Variants in CHERP observed in about 807,000 individuals in gnomAD.
CHERP encodes calcium homeostasis endoplasmic reticulum protein, also known as ERPROT 213-21.
A neutral mutation model predicts 113.8 loss-of-function variants in CHERP; 8 were observed. That is an observed-to-expected ratio of 0.07 (90% CI 0.04 to 0.13). CHERP has a LOEUF of 0.13. Among genes scored for constraint, CHERP ranks in the 10% least tolerant of loss-of-function variants. The pLI is 1.00. For synonymous variants in CHERP, 559 were observed against 524.5 expected (o/e 1.07, Z -0.90); for missense variants, 884 against 1,298.2 (o/e 0.68, Z 4.90).
At position 16,518,852 on chromosome 19, in the gene CHERP, G is replaced by A. The variant is rs1021501765; in HGVS notation, c.*307C>T. ...AGGGCAGATGCACATCCATCCCTTC[G>A]TGGCTGAAGAATTTACTCGGGCGGA... On this transcript the variant is annotated 3_prime_UTR_variant, in exon 17 of 17. Transcript: ENST00000546361. The A allele has an allele frequency of 1.9e-5, 7 of 378,314 alleles. No individual in the cohort carries two copies. In the East Asian group the frequency reaches 2.0e-4, roughly 11 times the overall value. The allele number at this position is 378,314 out of a possible 1,614,324, so 23.4% of individuals were successfully genotyped here. A position where few individuals can be genotyped will look rare whatever the true frequency, so the allele number is the denominator to read the frequency against.
chr19:16,525,177 AGCCTGCTCGGCAG>A lies in CHERP; in HGVS notation c.1741+52_1741+64del. The A allele has an allele frequency of 2.2e-6, 3 of 1,344,308 alleles. No individual in the cohort carries two copies. Among genetic ancestry groups the A allele is most frequent in the South Asian group, 3.6e-5 (2 of 55,828 alleles). 83.3% of individuals were successfully genotyped at this position (1,344,308 alleles called of 1,614,324 possible). A position where few individuals can be genotyped will look rare whatever the true frequency, so the allele number is the denominator to read the frequency against. On this transcript the variant is annotated intron_variant, in intron 10 of 16. Coordinates refer to ENST00000546361, the MANE Select transcript of CHERP (RefSeq NM_006387.6). This position sits in a 1 kb window ranked among gnomAD's most constrained non-coding sequence, Gnocchi z 6.5. Reference sequence around the variant, plus strand: ...TGGCAGGGCCACAAGCAGCGCCACCAGCCTGCTCGGCAGGCGAGCCGTGGATGCCTCCGCCAGG... The same window carrying A: ...TGGCAGGGCCACAAGCAGCGCCACCAGCGAGCCGTGGATGCCTCCGCCAGG...
intron 2 of CHERP, among the ~76,000 whole-genome samples, chr19:16,537,620 C>T (rs2085750169): frequency 6.6e-6 from 1 of 152,132 alleles, no homozygotes. Context: ...GCATGTGCCT[C>T]CCAGTGACGA....
Position 16,542,386 on chromosome 19 carries a change from G to A in CHERP, c.-8C>T, listed in dbSNP as rs771270848. 3 of 1,363,584 alleles carry A rather than the reference G, an allele frequency of 2.2e-6. No individual in the cohort carries two copies. The highest frequency in any genetic ancestry group is 3.1e-5 in the Admixed American group (1 of 32,728). The allele number at this position is 1,363,584 out of a possible 1,614,324, so 84.5% of individuals were successfully genotyped here. A position where few individuals can be genotyped will look rare whatever the true frequency, so the allele number is the denominator to read the frequency against. Reference sequence around the variant, plus strand: ...GGGCAGCGGCATCTCCATGGCTCCGGCCGCGGGGAACGTCCTCCGGCGCCA... The same window carrying A: ...GGGCAGCGGCATCTCCATGGCTCCGACCGCGGGGAACGTCCTCCGGCGCCA... On this transcript the variant is annotated 5_prime_UTR_variant, in exon 1 of 17. Transcript: ENST00000546361.
Position 16,523,406 on chromosome 19 carries a change from G to T in CHERP, c.1742-116C>A. The T allele has an allele frequency of 8.2e-7, 1 of 1,219,432 alleles. No homozygotes were observed. Among genetic ancestry groups the T allele is most frequent in the Non-Finnish European group, 1.2e-6 (1 of 864,536 alleles). The allele number at this position is 1,219,432 out of a possible 1,614,324, so 75.5% of individuals were successfully genotyped here. A position where few individuals can be genotyped will look rare whatever the true frequency, so the allele number is the denominator to read the frequency against. On this transcript the variant is annotated intron_variant, in intron 10 of 16. Transcript: ENST00000546361. The surrounding 1 kb of genome is among the most constrained non-coding windows in gnomAD (Gnocchi z 4.0). ...GGAGACGAACCCCTCCTGGGAGCCT[G>T]TCCAGCATCTTCTCTCACTGCTTAA...
rs1455888938 is a variant in CHERP at position 16,519,723 on chromosome 19, C to T, written c.2463-8G>A. 42 of 1,606,810 alleles carry T rather than the reference C, an allele frequency of 2.6e-5. No homozygotes were observed. Among genetic ancestry groups the T allele is most frequent in the Admixed American group, 3.3e-5 (2 of 59,966 alleles). On this transcript the variant is annotated splice_region_variant and splice_polypyrimidine_tract_variant and intron_variant, in intron 15 of 16. Coordinates refer to ENST00000546361, the MANE Select transcript of CHERP (RefSeq NM_006387.6). This position sits in a 1 kb window ranked among gnomAD's most constrained non-coding sequence, Gnocchi z 6.0. The stretch of plus-strand genomic sequence containing the variant: ...CCCAGACCAGCAGAGGAACTAAAAT[C>T]GAGACAGGTTATTCTTTTTAAGAAG...
At chr19:16,527,693 C>CT (rs759442222) in intron 9 of CHERP, among the ~76,000 whole-genome samples, 1 of 152,242 alleles carries the variant, frequency 6.6e-6, no homozygotes, top group Admixed American at 6.5e-5. Context: ...GACATTCCCC[C>CT]TTTCCTTACA....
Position 16,523,384 on chromosome 19 carries a change from GACGA to G in CHERP, c.1742-98_1742-95del. The G allele has an allele frequency of 7.0e-7, 1 of 1,426,554 alleles. No homozygotes were observed. Among genetic ancestry groups the G allele is most frequent in the Non-Finnish European group, 9.6e-7 (1 of 1,038,404 alleles). 88.4% of individuals were successfully genotyped at this position (1,426,554 alleles called of 1,614,324 possible). ...GGAGGGGCTCAGTGAAGGGCCAGGA[GACGA>G]ACCCCTCCTGGGAGCCTGTCCAGCA... On this transcript the variant is annotated intron_variant, in intron 10 of 16. Coordinates refer to ENST00000546361, the MANE Select transcript of CHERP (RefSeq NM_006387.6). This position sits in a 1 kb window ranked among gnomAD's most constrained non-coding sequence, Gnocchi z 4.0.
rs1052904203 is a variant in CHERP, at chr19:16,519,453, G to C, written c.2558-101C>G. On this transcript the variant is annotated intron_variant, in intron 16 of 16. Coordinates refer to ENST00000546361, the MANE Select transcript of CHERP (RefSeq NM_006387.6). This position sits in a 1 kb window ranked among gnomAD's most constrained non-coding sequence, Gnocchi z 6.0. Reference sequence around the variant, plus strand: ...GACAGGCAGTGTAGACATGGGAAATGGGTAGAGAGAACCCGCAGGCCGGCC... The same window carrying C: ...GACAGGCAGTGTAGACATGGGAAATCGGTAGAGAGAACCCGCAGGCCGGCC... 2.2e-6 allele frequency: 3 copies of C among 1,363,364 alleles called. No individual in the cohort carries two copies. The African/African-American group carries it at 4.3e-5, about 20-fold the overall frequency. The allele number at this position is 1,363,364 out of a possible 1,614,324, so 84.5% of individuals were successfully genotyped here. A position where few individuals can be genotyped will look rare whatever the true frequency, so the allele number is the denominator to read the frequency against.
At position 16,532,359 on chromosome 19, in the gene CHERP, C is replaced by T. The variant is rs907103189; in HGVS notation, c.674+239G>A. 17 of 483,966 alleles carry T rather than the reference C, an allele frequency of 3.5e-5. No individual in the cohort carries two copies. The highest frequency in any genetic ancestry group is 2.4e-4 in the South Asian group (7 of 29,662). 30.0% of individuals were successfully genotyped at this position (483,966 alleles called of 1,614,324 possible). A position where few individuals can be genotyped will look rare whatever the true frequency, so the allele number is the denominator to read the frequency against. The stretch of plus-strand genomic sequence containing the variant: ...GAGACAGCAATGTGACAGGTGAGGC[C>T]GGGGTCTAGGGGAGAGGACAGGGCA... On this transcript the variant is annotated intron_variant, in intron 5 of 16. Coordinates refer to ENST00000546361, the MANE Select transcript of CHERP (RefSeq NM_006387.6). The surrounding 1 kb of genome is among the most constrained non-coding windows in gnomAD (Gnocchi z 4.4).
Position 16,521,624 on chromosome 19 carries a change from G to A in CHERP, c.2011C>T (p.Pro671Ser). The change falls in exon 12 of 17, where the codon CCT (proline) becomes TCT (serine). Residue 671 changes from proline to serine, a missense_variant. By Grantham distance (74) the Pro-to-Ser change is moderately conservative. Coordinates refer to ENST00000546361, the MANE Select transcript of CHERP (RefSeq NM_006387.6). ...GGGGGTGGGAGGCGGATGTCTTTAG[G>A]GTCCAAAGGCTTGTACTCGTGATCT... ...LEDHEYKPLD[P>S]KDIRLPPPMP... 1 of 1,607,484 alleles carries A rather than the reference G, an allele frequency of 6.2e-7. No individual in the cohort carries two copies. The highest frequency in any genetic ancestry group is 8.5e-7 in the Non-Finnish European group (1 of 1,176,828).
rs892179738 is a variant in CHERP at position 16,523,858 on chromosome 19, C to T, written c.1742-568G>A. Among the ~76,000 whole-genome samples, 3 of 152,186 alleles carry T rather than the reference C, an allele frequency of 2.0e-5. No homozygotes were observed. Among genetic ancestry groups the T allele is most frequent in the African/African-American group, 4.8e-5 (2 of 41,438 alleles). ...GACAATACATTCCAGCTGTTGAAGC[C>T]GTCCAGGCTGTGGGACTTATCATGT... On this transcript the variant is annotated intron_variant, in intron 10 of 16. Transcript: ENST00000546361. This position sits in a 1 kb window ranked among gnomAD's most constrained non-coding sequence, Gnocchi z 4.0.
In CHERP at chr19:16,529,919, C is replaced by T. The variant is rs2085687028; in HGVS notation, c.877-19G>A. The T allele has an allele frequency of 6.2e-7, 1 of 1,608,692 alleles. No homozygotes were observed. The highest frequency in any genetic ancestry group is 8.5e-7 in the Non-Finnish European group (1 of 1,177,176). Reference sequence around the variant, plus strand: ...GGGTGGCCTGAGAGAGAGAAGAGCACCCGCTGCTCAGTATGCGGCCTTGGG... The same window carrying T: ...GGGTGGCCTGAGAGAGAGAAGAGCATCCGCTGCTCAGTATGCGGCCTTGGG... On this transcript the variant is annotated intron_variant, in intron 7 of 16. Transcript: ENST00000546361.
Position 16,542,358 on chromosome 19 carries a change from G to C in CHERP, c.21C>G (p.Pro7=). The change falls in exon 1 of 17, where the codon CCC becomes CCG. Residue 7 remains proline, a synonymous_variant. Coordinates refer to ENST00000546361, the MANE Select transcript of CHERP (RefSeq NM_006387.6). ...CTCGGCCGGTTTGGGTCTCACCATC[G>C]GGGGGCAGCGGCATCTCCATGGCTC... MEMPLP[P]DDQELRNVID... 2 of 1,395,314 alleles carry C rather than the reference G, an allele frequency of 1.4e-6. No individual in the cohort carries two copies. Among genetic ancestry groups the C allele is most frequent in the East Asian group, 2.8e-5 (1 of 35,860 alleles). The allele number at this position is 1,395,314 out of a possible 1,614,324, so 86.4% of individuals were successfully genotyped here. A position where few individuals can be genotyped will look rare whatever the true frequency, so the allele number is the denominator to read the frequency against.
intron 9 of CHERP, 149 bp downstream of exon 9, chr19:16,527,931 G>T: frequency 2.5e-6 from 2 of 787,622 alleles, no homozygotes; most frequent in Non-Finnish European, 4.1e-6. Context: ...GGAAGACAGG[G>T]CTGTCACTAA....
Position 16,530,933 on chromosome 19 carries a change from C to A in CHERP, c.675-53G>T, listed in dbSNP as rs535437392. The A allele has an allele frequency of 1.3e-6, 2 of 1,592,768 alleles. No individual in the cohort carries two copies. Among genetic ancestry groups the A allele is most frequent in the African/African-American group, 1.3e-5 (1 of 74,660 alleles). ...AGGGCCCTGGGGCGGGACCCGGCCA[C>A]GCGCCCGTTACCATCGCGGCTCCAG... On this transcript the variant is annotated intron_variant, in intron 5 of 16. Coordinates refer to ENST00000546361, the MANE Select transcript of CHERP (RefSeq NM_006387.6). This position sits in a 1 kb window ranked among gnomAD's most constrained non-coding sequence, Gnocchi z 4.1.
intron 10 of CHERP, among the ~76,000 whole-genome samples, chr19:16,524,280 C>T (rs1363022537): frequency 2.6e-5 from 4 of 151,774 alleles, no homozygotes; most frequent in East Asian, 1.9e-4. Flanking sequence ...AAAGGCCAAG[C>T]GAGGTGGCTC....
chr19:16,521,225 AGG>A, intron 12 of CHERP: 1 of 571,684 alleles, frequency 1.7e-6, no homozygotes. Flanking sequence ...CAGCACAGGA[AGG>A]AGGGGTGACC....
At position 16,520,921 on chromosome 19, in the gene CHERP, C is replaced by T. The variant is rs1328158152; in HGVS notation, c.2115-9G>A. 1 of 1,613,094 alleles carries T rather than the reference C, an allele frequency of 6.2e-7. No homozygotes were observed. Among genetic ancestry groups the T allele is most frequent in the Non-Finnish European group, 8.5e-7 (1 of 1,179,582 alleles). ...TCTGCTCCCAGCCTTCACTGTAAGACACGGCATTCCGTGTGTGACCACGTG... is the reference window on the plus strand; with the variant it reads ...TCTGCTCCCAGCCTTCACTGTAAGATACGGCATTCCGTGTGTGACCACGTG... On this transcript the variant is annotated splice_polypyrimidine_tract_variant and intron_variant, in intron 12 of 16. Coordinates refer to ENST00000546361, the MANE Select transcript of CHERP (RefSeq NM_006387.6). The surrounding 1 kb of genome is among the most constrained non-coding windows in gnomAD (Gnocchi z 4.0).
rs541229753 is a variant in CHERP, at chr19:16,530,716, G to T, written c.787-42C>A. ...AGAGAGGCCGGGTCAGTGGGGAGGG[G>T]AAAGGCCTGTGTGTCCCGGTCTTGC... On this transcript the variant is annotated intron_variant, in intron 6 of 16. Transcript: ENST00000546361. The surrounding 1 kb of genome is among the most constrained non-coding windows in gnomAD (Gnocchi z 4.1). The T allele has an allele frequency of 1.7e-4, 276 of 1,613,972 alleles. 3 individuals are homozygous for T. In the South Asian group the frequency reaches 2.9e-3, roughly 17 times the overall value.
Sources: gnomAD v4.1 joint callset for allele counts (sites outside exome capture counted in the v4.1 genomes callset) on GRCh38, gnomAD v4.1.1 for gene constraint, Gnocchi (gnomAD v3.1) non-coding constraint, MANE v1.5 for transcripts, NCBI Gene and HGNC (gene_info 2026-07-23, HGNC 2026-07-21) for gene names.